The following NCOA3 variants were observed in gnomAD, a reference collection of about 807,000 sequenced individuals.
The protein encoded by NCOA3 is nuclear receptor coactivator 3.
Under a neutral mutation model 158.8 loss-of-function variants are expected in NCOA3, and 51 were observed. The observed-to-expected ratio is 0.32, with a 90% CI of 0.26 to 0.41. The LOEUF (loss-of-function observed/expected upper bound fraction) is 0.41, where lower values mean the gene tolerates loss of function less well. Among genes scored for constraint, NCOA3 ranks in the 10% least tolerant of loss-of-function variants. The pLI is 1.00. For missense variants in NCOA3, 1,510 were observed against 1,746.6 expected (o/e 0.86, Z 2.41); for synonymous variants, 537 against 592.4 (o/e 0.91, Z 1.36).
intron 1 of NCOA3, among the ~76,000 whole-genome samples, chr20:47,531,470 T>C (rs1230943406): frequency 1.3e-5 from 2 of 152,220 alleles, no homozygotes; most frequent in Non-Finnish European, 1.5e-5. Flanking sequence ...ATTACAGATA[T>C]CTTTCTGTGT....
At chr20:47,623,540 CA>C (rs1234440709) in intron 3 of NCOA3, among the ~76,000 whole-genome samples, 2 of 152,194 alleles carry the variant, frequency 1.3e-5, no homozygotes, top group South Asian at 4.1e-4. Flanking sequence ...GTAATCCCAG[CA>C]CTCTGGGAGG....
rs771924485 is a variant in NCOA3 at position 47,634,210 on chromosome 20, C to T, written c.1112+15C>T. ...TTCCTTCAGAGGTAATGATAGATTA[C>T]TGTGTATTCTAATACAAAATGCAGC... On this transcript the variant is annotated intron_variant, in intron 10 of 22. Coordinates refer to ENST00000371998, the MANE Select transcript of NCOA3 (RefSeq NM_181659.3). 2 of 1,604,608 alleles carry T rather than the reference C, an allele frequency of 1.2e-6. No homozygotes were observed. Among genetic ancestry groups the T allele is most frequent in the South Asian group, 2.2e-5 (2 of 90,056 alleles).
Position 47,656,168 on chromosome 20 carries a change from A to T in NCOA3, c.*2751A>T, listed in dbSNP as rs1444968178. 2.0e-5 allele frequency: 3 copies of T among 149,892 alleles called. No individual in the cohort carries two copies. The highest frequency in any genetic ancestry group is 4.9e-5 in the African/African-American group (2 of 41,032). The allele number at this position is 149,892 out of a possible 1,614,324, so 9.3% of individuals were successfully genotyped here. A position where few individuals can be genotyped will look rare whatever the true frequency, so the allele number is the denominator to read the frequency against. On this transcript the variant is annotated 3_prime_UTR_variant, in exon 23 of 23. Transcript: ENST00000371998. Reference sequence around the variant, plus strand: ...GCTGAATCCAAAGATATATAAATAAAATATATATATTTTATAAAGATCAGA... The same window carrying T: ...GCTGAATCCAAAGATATATAAATAATATATATATATTTTATAAAGATCAGA...
intron 1 of NCOA3, among the ~76,000 whole-genome samples, chr20:47,541,624 C>T (rs915871785): frequency 1.3e-5 from 2 of 148,208 alleles, no homozygotes; most frequent in South Asian, 4.4e-4. Flanking sequence ...CTCAAGTTAC[C>T]CTCCTGCCCT....
chr20:47,627,040 A>T lies in NCOA3; in HGVS notation c.396A>T (p.Gly132=), dbSNP rs771877091. 1.1e-5 allele frequency: 17 copies of T among 1,613,528 alleles called. No homozygotes were observed. In the East Asian group the frequency reaches 1.8e-4, roughly 17 times the overall value. Residue 132 remains glycine, a synonymous_variant, in exon 6 of 23, where the codon GGA becomes GGT. Coordinates refer to ENST00000371998, the MANE Select transcript of NCOA3 (RefSeq NM_181659.3). The stretch of plus-strand genomic sequence containing the variant: ...TCCTATTTGTGGTGAATCGAGACGG[A>T]AACATTGTATTTGTATCAGAAAATG... The part of the protein sequence containing the change: ...DGFLFVVNRD[G]NIVFVSENVT...
chr20:47,630,373 A>G (rs1341996222), intron 8 of NCOA3: 1 of 151,514 alleles, frequency 6.6e-6, no homozygotes, highest in Non-Finnish European at 1.5e-5. Flanking sequence ...ATGAAGCCCC[A>G]TGAGTTTTCC....
chr20:47,548,624 G>A (rs1239576836), intron 1 of NCOA3, among the ~76,000 whole-genome samples: 2 of 152,102 alleles, frequency 1.3e-5, no homozygotes, highest in African/African-American at 4.8e-5. Flanking sequence ...GAGAAGAAGG[G>A]GTGGTACATG....
intron 2 of NCOA3, among the ~76,000 whole-genome samples, chr20:47,586,354 C>T (rs1029585421): frequency 2.0e-5 from 3 of 152,144 alleles, no homozygotes; most frequent in African/African-American, 7.2e-5. Context: ...CTGTCCTACT[C>T]TCTTTTCTCT....
chr20:47,517,950 A>G (rs1602331465), intron 1 of NCOA3, among the ~76,000 whole-genome samples: 1 of 152,334 alleles, frequency 6.6e-6, no homozygotes, highest in South Asian at 2.1e-4. Flanking sequence ...TTCCTGGGAC[A>G]ACTCTGTGAG....
At chr20:47,524,341 G>A (rs561141563) in intron 1 of NCOA3, among the ~76,000 whole-genome samples, 6 of 152,188 alleles carry the variant, frequency 3.9e-5, no homozygotes, top group Non-Finnish European at 8.8e-5. Context: ...GTAAGAGACC[G>A]AGGATAGAAA....
intron 2 of NCOA3, among the ~76,000 whole-genome samples, chr20:47,600,430 C>T (rs1282400438): frequency 6.6e-6 from 1 of 151,978 alleles, no homozygotes; most frequent in African/African-American, 2.4e-5. Context: ...CCCGCCTCGG[C>T]CTCCCAAAGT....
At chr20:47,622,414 T>C in intron 3 of NCOA3, 84 bp downstream of exon 3, 1 of 931,680 alleles carries the variant, frequency 1.1e-6, no homozygotes, top group Non-Finnish European at 1.6e-6. Flanking sequence ...CCATTTACAT[T>C]CTCTGGTTAG....
intron 1 of NCOA3, among the ~76,000 whole-genome samples, chr20:47,561,418 A>G (rs1425680443): frequency 6.6e-6 from 1 of 150,666 alleles, no homozygotes; most frequent in Non-Finnish European, 1.5e-5. Context: ...CTCTTGCTTC[A>G]GCTTCCCCAA....
intron 3 of NCOA3, among the ~76,000 whole-genome samples, 157 bp from the exon 4 acceptor site, chr20:47,623,754 C>T (rs1274137002): frequency 6.6e-6 from 1 of 151,518 alleles, no homozygotes; most frequent in Non-Finnish European, 1.5e-5. Flanking sequence ...CACCGTTGTA[C>T]TCCAGCCTGG....
chr20:47,590,509 C>T (rs2085612747), intron 2 of NCOA3, among the ~76,000 whole-genome samples: 1 of 151,998 alleles, frequency 6.6e-6, no homozygotes, highest in Admixed American at 6.6e-5. Context: ...CCTACAAAAG[C>T]ATAATATATT....
chr20:47,572,370 C>T (rs897460028), intron 1 of NCOA3, among the ~76,000 whole-genome samples: 4 of 151,962 alleles, frequency 2.6e-5, no homozygotes, highest in African/African-American at 9.7e-5. Flanking sequence ...CACCACTGCA[C>T]CCCAGTCTGG....
intron 17 of NCOA3, among the ~76,000 whole-genome samples, chr20:47,645,794 C>A (rs1471987217): frequency 1.3e-5 from 2 of 152,116 alleles, no homozygotes; most frequent in Non-Finnish European, 1.5e-5. Context: ...CACATGAACC[C>A]AAGTTGATGG....
chr20:47,505,003 G>GTTTTTTGTTTTTTTTTTT (rs2084004958), intron 1 of NCOA3, among the ~76,000 whole-genome samples: 1 of 28,550 alleles, frequency 3.5e-5, no homozygotes, highest in Non-Finnish European at 5.4e-5. Context: ...TGGGTTTTTG[G>GTTTTTTGTTTTTTTTTTT]TTTTTTTTTT....
chr20:47,651,085 AGCAGCAACAGCAG>A lies in NCOA3; in HGVS notation c.3756_3768del (p.Gln1252HisfsTer31), dbSNP rs773140698. ...GCTATGATGATGCAGCAGCAGCAGC[AGCAGCAACAGCAG>A]CAGCAGCAGCAGCAGCAGCAGCAAC... is the stretch of plus-strand genomic sequence containing the variant. On this transcript the variant is annotated frameshift_variant, in exon 20 of 23. Coordinates refer to ENST00000371998, the MANE Select transcript of NCOA3 (RefSeq NM_181659.3). LOFTEE classifies it high-confidence loss of function. 61 of 1,585,628 alleles carry A rather than the reference AGCAGCAACAGCAG, an allele frequency of 3.8e-5. 2 individuals are homozygous for A. The South Asian group carries it at 4.9e-4, about 13-fold the overall frequency.
Sources: allele counts gnomAD v4.1 joint callset (sites outside exome capture counted in the v4.1 genomes callset), GRCh38; gene constraint gnomAD v4.1.1; transcripts MANE v1.5; gene names NCBI Gene and HGNC (gene_info 2026-07-23, HGNC 2026-07-21).